The following FRMD4A variants were observed in gnomAD, a reference collection of about 807,000 sequenced individuals.
FRMD4A encodes FERM domain-containing protein 4A.
Under a neutral mutation model 129.1 loss-of-function variants are expected in FRMD4A, and 29 were observed. The ratio of observed to expected loss-of-function variants is 0.22; its 90% CI spans 0.17 to 0.31. The LOEUF is 0.31. FRMD4A is among the 10% of genes least tolerant of loss of function. FRMD4A has a pLI of 1.00. For synonymous variants in FRMD4A, 634 were observed against 571.6 expected, an observed-to-expected ratio of 1.11 and a Z score of -1.56; for missense variants, 1,272 against 1,375.8, an observed-to-expected ratio of 0.92 and a Z score of 1.19.
chr10:13,955,111 G>C (rs370198576), intron 2 of FRMD4A, among the ~76,000 whole-genome samples: 2 of 33,104 alleles, frequency 6.0e-5, no homozygotes, highest in Admixed American at 4.0e-4. Flanking sequence ...TAATAATTCT[G>C]CTTTTTTTTT....
intron 2 of FRMD4A, among the ~76,000 whole-genome samples, chr10:14,146,429 CACA>C (rs1403605306): frequency 1.3e-5 from 2 of 152,188 alleles, no homozygotes; most frequent in Non-Finnish European, 2.9e-5. Context: ...CACAACACAA[CACA>C]ACATGACTTA....
At chr10:14,242,663 G>T (rs1450568245) in intron 2 of FRMD4A, among the ~76,000 whole-genome samples, 1 of 152,166 alleles carries the variant, frequency 6.6e-6, no homozygotes, top group Non-Finnish European at 1.5e-5. Flanking sequence ...ATTAAGTCAC[G>T]ATAGATGGAA....
At chr10:13,859,244 C>A (rs1446500352) in intron 2 of FRMD4A, among the ~76,000 whole-genome samples, 1 of 151,962 alleles carries the variant, frequency 6.6e-6, no homozygotes, top group African/African-American at 2.4e-5. Context: ...ATTAGCCGGG[C>A]GTGGTGGTGC....
chr10:13,974,452 G>A (rs188495332), intron 2 of FRMD4A, among the ~76,000 whole-genome samples: 34 of 152,238 alleles, frequency 2.2e-4, no homozygotes, highest in African/African-American at 6.3e-4. Context: ...TGACAGTGCC[G>A]TTGGAGGATG....
intron 2 of FRMD4A, among the ~76,000 whole-genome samples, chr10:14,112,951 G>T (rs530120943): frequency 6.6e-6 from 1 of 152,250 alleles, no homozygotes; most frequent in South Asian, 2.1e-4. Context: ...TAATGGCTCG[G>T]TGTAAGTGTG....
intron 2 of FRMD4A, among the ~76,000 whole-genome samples, chr10:14,051,499 T>C (rs926487492): frequency 3.9e-5 from 6 of 152,190 alleles, no homozygotes; most frequent in Non-Finnish European, 7.3e-5. Context: ...ACTCAGCTTG[T>C]TCTCTGTACT....
At chr10:14,244,319 C>A (rs976837494) in intron 2 of FRMD4A, among the ~76,000 whole-genome samples, 3 of 152,112 alleles carry the variant, frequency 2.0e-5, no homozygotes, top group Admixed American at 1.3e-4. Context: ...TCCCTCTGGC[C>A]CCCTTGTGGT....
At chr10:13,895,526 A>G (rs2094747743) in intron 2 of FRMD4A, among the ~76,000 whole-genome samples, 1 of 152,174 alleles carries the variant, frequency 6.6e-6, no homozygotes, top group Non-Finnish European at 1.5e-5. Flanking sequence ...ACCCCTCCCA[A>G]AACCTTTTGT....
intron 2 of FRMD4A, among the ~76,000 whole-genome samples, chr10:13,910,641 G>A (rs772684076): frequency 1.2e-4 from 18 of 152,270 alleles, no homozygotes; most frequent in Non-Finnish European, 8.8e-5. Context: ...GTATGCTGAT[G>A]AAAATTGTTG....
At chr10:13,794,621 G>A (rs1426222013) in intron 5 of FRMD4A, among the ~76,000 whole-genome samples, 1 of 152,148 alleles carries the variant, frequency 6.6e-6, no homozygotes, top group Non-Finnish European at 1.5e-5. Flanking sequence ...AGAAAGATCT[G>A]CTTCCATAGG....
intron 2 of FRMD4A, among the ~76,000 whole-genome samples, chr10:14,227,790 A>G (rs1843496788): frequency 6.6e-6 from 1 of 152,204 alleles, no homozygotes; most frequent in Non-Finnish European, 1.5e-5. Flanking sequence ...TTCCTGGCTC[A>G]TAGTAGGTGT....
chr10:14,199,974 T>C (rs1273691663), intron 2 of FRMD4A, among the ~76,000 whole-genome samples: 2 of 150,498 alleles, frequency 1.3e-5, no homozygotes, highest in African/African-American at 2.4e-5. Flanking sequence ...CATTGTGGAA[T>C]GATTACATCA....
Position 13,898,514 on chromosome 10 carries a change from A to G in FRMD4A, c.46-39602T>C, listed in dbSNP as rs530466596. Among the ~76,000 whole-genome samples, 8 of 152,362 alleles carry G rather than the reference A, an allele frequency of 5.3e-5. No homozygotes were observed. The South Asian group carries it at 8.3e-4, about 16-fold the overall frequency. On this transcript the variant is annotated intron_variant, in intron 2 of 24. Coordinates refer to ENST00000357447, the MANE Select transcript of FRMD4A (RefSeq NM_018027.5). ...AATTTAATTGGGTTTAGAGAAATAAATTAATGTGATTTTGTGTGTATGCCC... is the reference window on the plus strand; with the variant it reads ...AATTTAATTGGGTTTAGAGAAATAAGTTAATGTGATTTTGTGTGTATGCCC...
intron 2 of FRMD4A, among the ~76,000 whole-genome samples, chr10:14,107,343 A>G (rs1184041415): frequency 6.6e-6 from 1 of 152,208 alleles, no homozygotes. Context: ...GAACCCCCAA[A>G]TCTAAAATAA....
chr10:14,146,576 C>G (rs1029990299), intron 2 of FRMD4A, among the ~76,000 whole-genome samples: 22 of 152,220 alleles, frequency 1.4e-4, no homozygotes, highest in Non-Finnish European at 2.8e-4. Context: ...GAAGAGACAT[C>G]TGATGCCTAT....
Position 13,659,468 on chromosome 10 carries a change from T to C in FRMD4A, c.1921A>G (p.Thr641Ala). 6.2e-7 allele frequency: 1 copy of C among 1,613,416 alleles called. No individual in the cohort carries two copies. The highest frequency in any genetic ancestry group is 1.1e-5 in the South Asian group (1 of 91,038). ...CCGCCGGCTTCCGCACAGCTTCCTG[T>C]GCTGGGGAAGCGCTTGTGGCTGCTG... ...HSSSHKRFPS[T>A]GSCAEAGGGS... The change falls in exon 21 of 25, where the codon ACA becomes GCA. Residue 641 changes from threonine (T) to alanine (A), a missense_variant. This residue lies in a region of FRMD4A where 972 missense variants were observed against 892.3 expected (regional missense o/e 1.09). Transcript: ENST00000357447.
At position 13,981,516 on chromosome 10, in the gene FRMD4A, G is replaced by A. The variant is rs1016056967; in HGVS notation, c.46-122604C>T. The stretch of plus-strand genomic sequence containing the variant: ...AGCACTTTGGGAGGCCGAGGCAGGC[G>A]GATCATGAGATCAGGAGTTCAAGAC... On this transcript the variant is annotated intron_variant, in intron 2 of 24. Transcript: ENST00000357447. Among the ~76,000 whole-genome samples the A allele has an allele frequency of 2.6e-5, 4 of 152,020 alleles. No homozygotes were observed. The East Asian group carries it at 7.7e-4, about 29-fold the overall frequency.
chr10:13,740,029 G>A (rs1028437898), intron 11 of FRMD4A, among the ~76,000 whole-genome samples, 165 bp downstream of exon 11: 7 of 152,222 alleles, frequency 4.6e-5, no homozygotes, highest in African/African-American at 1.7e-4. Flanking sequence ...GAACCCGGGA[G>A]GTGGAGGTTG....
In FRMD4A at chr10:14,166,415, G is replaced by C. The variant is rs77635497; in HGVS notation, c.45+163643C>G. Among the ~76,000 whole-genome samples the C allele has an allele frequency of 8.4e-3, 1,277 of 152,264 alleles. 17 individuals are homozygous for C. The highest frequency in any genetic ancestry group is 0.03 in the African/African-American group (1,230 of 41,560). On this transcript the variant is annotated intron_variant, in intron 2 of 24. Coordinates refer to ENST00000357447, the MANE Select transcript of FRMD4A (RefSeq NM_018027.5). ...TTACTCTCTCTGTGGAGATACACTG[G>C]AAGTAAGTGAAAATAAAGTCACCAT...
Sources: gnomAD v4.1 joint callset for allele counts (sites outside exome capture counted in the v4.1 genomes callset) on GRCh38, gnomAD v4.1.1 for gene constraint, gnomAD v4.1.1 regional missense constraint, MANE v1.5 for transcripts, NCBI Gene and HGNC (gene_info 2026-07-23, HGNC 2026-07-21) for gene names.